Variants in CHL1 observed in about 807,000 individuals in gnomAD.
CHL1 encodes cell adhesion molecule L1 like.
Under a neutral mutation model 141.9 loss-of-function variants are expected in CHL1, and 96 were observed. That is an observed-to-expected ratio of 0.68 (90% CI 0.57 to 0.80). CHL1 has a LOEUF of 0.80. Among genes scored for constraint, CHL1 ranks in the 30% least tolerant of loss-of-function variants. The pLI, the probability that CHL1 is intolerant of heterozygous loss-of-function variation, is 0.00. For synonymous variants in CHL1, 613 were observed against 502.2 expected (o/e 1.22, Z -2.95); for missense variants, 1,820 against 1,457.2 (o/e 1.25, Z -4.05).
intron 2 of CHL1, among the ~76,000 whole-genome samples, chr3:305,012 C>T (rs1699102995): frequency 6.6e-6 from 1 of 152,026 alleles, no homozygotes; most frequent in Non-Finnish European, 1.5e-5. Context: ...CACGGATAAA[C>T]TTTATTTCGT....
rs149130349 is a variant in CHL1, at chr3:207,182, A to G, written c.-175+10119A>G. Among the ~76,000 whole-genome samples, 11 of 152,334 alleles carry G rather than the reference A, an allele frequency of 7.2e-5. No individual in the cohort carries two copies. In the East Asian group the frequency reaches 1.9e-3, roughly 27 times the overall value. On this transcript the variant is annotated intron_variant, in intron 1 of 27. Coordinates refer to ENST00000256509, the MANE Select transcript of CHL1 (RefSeq NM_006614.4). ...GATATTTACAAGCAAATGTTCATGT[A>G]TTTTTAAGATATGCATAATATAAAT...
intron 23 of CHL1, among the ~76,000 whole-genome samples, chr3:394,349 A>G (rs1708488775): frequency 6.6e-6 from 1 of 152,266 alleles, no homozygotes; most frequent in East Asian, 1.9e-4. Flanking sequence ...AAAATTCATT[A>G]TTATTAATGC....
intron 2 of CHL1, among the ~76,000 whole-genome samples, chr3:271,203 C>A (rs1051244448): frequency 1.3e-5 from 2 of 152,172 alleles, no homozygotes; most frequent in African/African-American, 4.8e-5. Context: ...TTTGTGAACT[C>A]GGGCAAGTCA....
chr3:292,922 A>T lies in CHL1; in HGVS notation c.-94-26761A>T, dbSNP rs577945821. On this transcript the variant is annotated intron_variant, in intron 2 of 27. Transcript: ENST00000256509. The stretch of plus-strand genomic sequence containing the variant: ...CCAGGCACCACCTCCAAAATCAGGG[A>T]GTACGTTTCAACAGGAGATGTGGTT... Among the ~76,000 whole-genome samples the T allele has an allele frequency of 4.9e-4, 75 of 152,208 alleles. 1 individual carries two copies. The highest frequency in any genetic ancestry group is 9.1e-4 in the Non-Finnish European group (62 of 68,042).
At chr3:347,110 G>C (rs868726977) in intron 9 of CHL1, among the ~76,000 whole-genome samples, 8 of 152,110 alleles carry the variant, frequency 5.3e-5, no homozygotes, top group African/African-American at 1.9e-4. Flanking sequence ...AATGTGTTTT[G>C]AGGGAAAACT....
intron 16 of CHL1, 122 bp from the exon 17 acceptor site, chr3:382,057 G>A (rs1349472919): frequency 3.1e-6 from 2 of 647,970 alleles, no homozygotes; most frequent in Non-Finnish European, 5.2e-6. Context: ...GGGCGGGGGT[G>A]CTTCCCAGGT....
chr3:267,731 C>G (rs147116800), intron 2 of CHL1, among the ~76,000 whole-genome samples: 107 of 152,122 alleles, frequency 7.0e-4, no homozygotes, highest in African/African-American at 2.3e-3. Flanking sequence ...GCATGAAGCT[C>G]AAGAAAAATG....
intron 5 of CHL1, among the ~76,000 whole-genome samples, chr3:330,637 G>A (rs1351216654): frequency 6.6e-6 from 1 of 152,032 alleles, no homozygotes; most frequent in Admixed American, 6.6e-5. Context: ...CACTTAAAAT[G>A]CTCATTCTCA....
At chr3:216,169 T>G (rs1700301909) in intron 1 of CHL1, among the ~76,000 whole-genome samples, 1 of 152,228 alleles carries the variant, frequency 6.6e-6, no homozygotes, top group Non-Finnish European at 1.5e-5. Context: ...CAGATAGTAT[T>G]TTAAAGCTGA....
chr3:331,779 A>G (rs903986406), intron 5 of CHL1, among the ~76,000 whole-genome samples: 4 of 152,242 alleles, frequency 2.6e-5, no homozygotes, highest in Non-Finnish European at 5.9e-5. Flanking sequence ...GTGGCAACAT[A>G]TATAAACTTG....
rs1695778733 is a variant in CHL1 at position 273,035 on chromosome 3, C to G, written c.-95+28343C>G. ...AAAGAAGGTCTTTCTGAAGCGGTGC[C>G]TTTGAACCTGAGATTTGACTGACAT... is the stretch of plus-strand genomic sequence containing the variant. On this transcript the variant is annotated intron_variant, in intron 2 of 27. Transcript: ENST00000256509. 2.0e-5 allele frequency among the ~76,000 whole-genome samples: 3 copies of G among 152,258 alleles called. No individual in the cohort carries two copies. The South Asian group carries it at 6.2e-4, about 32-fold the overall frequency.
At chr3:377,968 C>CTG in intron 16 of CHL1, 26 bp downstream of exon 16, 1 of 1,573,002 alleles carries the variant, frequency 6.4e-7, no homozygotes, top group South Asian at 1.2e-5. Flanking sequence ...AATGAGAAAT[C>CTG]TGTTCATTTC....
intron 1 of CHL1, among the ~76,000 whole-genome samples, chr3:199,463 C>T (rs1698725042): frequency 6.6e-6 from 1 of 152,170 alleles, no homozygotes; most frequent in African/African-American, 2.4e-5. Context: ...TATATAGGTC[C>T]TCCAACCTAT....
intron 15 of CHL1, chr3:376,503 A>G (rs543901349): frequency 1.3e-5 from 6 of 468,082 alleles, no homozygotes; most frequent in South Asian, 6.5e-5. Flanking sequence ...CCTAAGATAC[A>G]TTTGTGAGAC....
intron 11 of CHL1, 133 bp downstream of exon 11, chr3:354,904 ATTGT>A: frequency 8.8e-7 from 1 of 1,135,200 alleles, no homozygotes; most frequent in Admixed American, 2.7e-5. Flanking sequence ...CAAATCAGAG[ATTGT>A]TTATTTCTAA....
chr3:324,939 C>T (rs929887046), intron 3 of CHL1, among the ~76,000 whole-genome samples: 1 of 151,986 alleles, frequency 6.6e-6, no homozygotes, highest in African/African-American at 2.4e-5. Flanking sequence ...ACTTATCAAA[C>T]ACTAACAGAG....
intron 2 of CHL1, among the ~76,000 whole-genome samples, chr3:285,257 A>T (rs1697025252): frequency 6.6e-6 from 1 of 152,230 alleles, no homozygotes; most frequent in Non-Finnish European, 1.5e-5. Context: ...TACAAAATAC[A>T]ACCTTGTTTG....
At chr3:283,605 G>A (rs1339571812) in intron 2 of CHL1, among the ~76,000 whole-genome samples, 1 of 152,166 alleles carries the variant, frequency 6.6e-6, no homozygotes, top group South Asian at 2.1e-4. Flanking sequence ...ATAAATACAT[G>A]TTAAATTAAA....
chr3:378,057 T>C (rs1706563951), intron 16 of CHL1, 115 bp downstream of exon 16: 2 of 913,388 alleles, frequency 2.2e-6, no homozygotes, highest in Non-Finnish European at 3.0e-6. Flanking sequence ...TATTGTTAGT[T>C]TCAAATTTTT....
Sources: allele counts gnomAD v4.1 joint callset (sites outside exome capture counted in the v4.1 genomes callset), GRCh38; gene constraint gnomAD v4.1.1; transcripts MANE v1.5; gene names NCBI Gene and HGNC (gene_info 2026-07-23, HGNC 2026-07-21).